The following EPHA6 variants were observed in gnomAD, a reference collection of about 807,000 sequenced individuals.
EPHA6 encodes the protein ephrin type-A receptor 6.
In EPHA6, 50 loss-of-function variants were observed where a neutral mutation model predicts 112.0. The ratio of observed to expected loss-of-function variants is 0.45; its 90% CI spans 0.36 to 0.56. The LOEUF is 0.56. Among genes scored for constraint, EPHA6 ranks in the 20% least tolerant of loss-of-function variants. The pLI is 0.00. For missense variants in EPHA6, 1,280 were observed against 1,417.4 expected (o/e 0.90, Z 1.56); for synonymous variants, 529 against 490.7 (o/e 1.08, Z -1.03).
At chr3:96,969,560 T>C (rs2042242908) in intron 2 of EPHA6, among the ~76,000 whole-genome samples, 1 of 152,076 alleles carries the variant, frequency 6.6e-6, no homozygotes, top group South Asian at 2.1e-4. Context: ...TAAAGCAACA[T>C]TAGTGGTCCA....
chr3:97,325,162 T>G (rs1043197071), intron 5 of EPHA6, among the ~76,000 whole-genome samples: 1 of 152,234 alleles, frequency 6.6e-6, no homozygotes, highest in South Asian at 2.1e-4. Context: ...AATATAGGGC[T>G]TTCATGAGGA....
At chr3:96,927,545 G>C (rs964169730) in intron 2 of EPHA6, among the ~76,000 whole-genome samples, 5 of 152,084 alleles carry the variant, frequency 3.3e-5, no homozygotes, top group African/African-American at 1.2e-4. Flanking sequence ...TTATCTCTAG[G>C]GTGGGGGCAA....
Position 96,974,667 on chromosome 3 carries a change from A to G in EPHA6, c.451-12663A>G, listed in dbSNP as rs151085720. 6.4e-3 allele frequency among the ~76,000 whole-genome samples: 972 copies of G among 152,194 alleles called. 8 individuals carry two copies. The highest frequency in any genetic ancestry group is 0.021 in the African/African-American group (880 of 41,542). On this transcript the variant is annotated intron_variant, in intron 2 of 17. Coordinates refer to ENST00000389672, the MANE Select transcript of EPHA6 (RefSeq NM_001080448.3). ...CTGGATAAATAGAACAGAGAGACTC[A>G]TTTTGTCTTATGTTCATTTTATGAA... is the stretch of plus-strand genomic sequence containing the variant.
chr3:97,241,762 T>G (rs1341615900), intron 4 of EPHA6, among the ~76,000 whole-genome samples: 1 of 150,390 alleles, frequency 6.6e-6, no homozygotes, highest in Non-Finnish European at 1.5e-5. Context: ...CTTGTTTTTT[T>G]TTTTTTTTGT....
chr3:97,178,272 G>T (rs1017565737), intron 3 of EPHA6, among the ~76,000 whole-genome samples: 1 of 151,852 alleles, frequency 6.6e-6, no homozygotes, highest in Admixed American at 6.6e-5. Context: ...TTAATTTTTT[G>T]TTGTTTCTAT....
intron 14 of EPHA6, among the ~76,000 whole-genome samples, chr3:97,641,788 T>C (rs965394647): frequency 1.3e-5 from 2 of 152,212 alleles, no homozygotes; most frequent in African/African-American, 4.8e-5. Flanking sequence ...CAGAGGGTCC[T>C]ATGCCCACGG....
At chr3:97,620,470 G>A (rs773166299) in intron 13 of EPHA6, among the ~76,000 whole-genome samples, 1 of 152,006 alleles carries the variant, frequency 6.6e-6, no homozygotes, top group Non-Finnish European at 1.5e-5. Context: ...TATTATCAGA[G>A]TAAATGGACA....
At position 97,759,333 on chromosome 3, in the gene EPHA6, T is replaced by C. The variant is rs2036100539; in HGVS notation, c.*10632T>C. ...CCAACTGACATGGATTAAGGCGAGATGTAAAGGAAGGAGGTGAAATCACTA... is the reference window on the plus strand; with the variant it reads ...CCAACTGACATGGATTAAGGCGAGACGTAAAGGAAGGAGGTGAAATCACTA... On this transcript the variant is annotated 3_prime_UTR_variant, in exon 18 of 18. Transcript: ENST00000389672. 1.3e-5 allele frequency among the ~76,000 whole-genome samples: 2 copies of C among 151,958 alleles called. No individual in the cohort carries two copies. The highest frequency in any genetic ancestry group is 3.9e-4 in the East Asian group (2 of 5,158).
At chr3:97,129,518 C>CAA (rs796445041) in intron 3 of EPHA6, among the ~76,000 whole-genome samples, 125 of 135,404 alleles carry the variant, frequency 9.2e-4, no homozygotes, top group African/African-American at 3.3e-3. Flanking sequence ...CAAAAACAAA[C>CAA]AAAAAAAAAA....
chr3:97,371,776 G>T (rs1278402876), intron 5 of EPHA6, among the ~76,000 whole-genome samples: 3 of 152,094 alleles, frequency 2.0e-5, no homozygotes, highest in Non-Finnish European at 4.4e-5. Context: ...GTAAGGAACA[G>T]CCCTGAGAAA....
chr3:96,932,762 C>T (rs553684643), intron 2 of EPHA6, among the ~76,000 whole-genome samples: 3 of 152,026 alleles, frequency 2.0e-5, no homozygotes, highest in East Asian at 1.9e-4. Context: ...CTCTAAAATG[C>T]GTAATTGTAA....
At chr3:97,330,325 T>A (rs966389045) in intron 5 of EPHA6, among the ~76,000 whole-genome samples, 34 of 152,138 alleles carry the variant, frequency 2.2e-4, no homozygotes, top group Admixed American at 3.9e-4. Context: ...CCATATGAAC[T>A]TTAAAGTAGT....
At chr3:96,913,888 A>G (rs1434751865) in intron 2 of EPHA6, among the ~76,000 whole-genome samples, 2 of 152,152 alleles carry the variant, frequency 1.3e-5, no homozygotes, top group African/African-American at 2.4e-5. Flanking sequence ...TTGAGGGCCT[A>G]TCTGTGCCAA....
intron 1 of EPHA6, among the ~76,000 whole-genome samples, chr3:96,836,372 A>G (rs1390151976): frequency 6.6e-6 from 1 of 152,126 alleles, no homozygotes; most frequent in African/African-American, 2.4e-5. Flanking sequence ...GGCCTTGGGC[A>G]GATATTTTAA....
At chr3:96,918,281 G>T (rs1300366863) in intron 2 of EPHA6, among the ~76,000 whole-genome samples, 5 of 151,996 alleles carry the variant, frequency 3.3e-5, no homozygotes, top group Non-Finnish European at 7.4e-5. Context: ...TTTTCCAAAT[G>T]GATAAAATTA....
chr3:97,336,735 T>C (rs1395813060), intron 5 of EPHA6, among the ~76,000 whole-genome samples: 1 of 152,112 alleles, frequency 6.6e-6, no homozygotes. Flanking sequence ...TTTACAAAAC[T>C]TGTCTGAAAG....
At chr3:97,056,845 T>C (rs889986693) in intron 3 of EPHA6, among the ~76,000 whole-genome samples, 2 of 152,186 alleles carry the variant, frequency 1.3e-5, no homozygotes, top group Non-Finnish European at 1.5e-5. Flanking sequence ...TTGTGAGGTA[T>C]TATTGAGATA....
intron 11 of EPHA6, among the ~76,000 whole-genome samples, chr3:97,586,552 A>AG (rs138633356): frequency 1.1e-3 from 162 of 152,308 alleles, no homozygotes; most frequent in Non-Finnish European, 1.9e-3. Context: ...CTAAAAAAAA[A>AG]AGAGAGAGGC....
Position 97,138,635 on chromosome 3 carries a change from A to G in EPHA6, c.1115-87629A>G, listed in dbSNP as rs75407249. Among the ~76,000 whole-genome samples the G allele has an allele frequency of 1.9e-4, 29 of 152,304 alleles. 1 individual carries two copies. The East Asian group carries it at 5.0e-3, about 27-fold the overall frequency. On this transcript the variant is annotated intron_variant, in intron 3 of 17. Coordinates refer to ENST00000389672, the MANE Select transcript of EPHA6 (RefSeq NM_001080448.3). ...AGAACAAGTCTGTGGGCCTGGCCCCAGTCCAGGGGCATGGAGATCAGATTT... is the reference window on the plus strand; with the variant it reads ...AGAACAAGTCTGTGGGCCTGGCCCCGGTCCAGGGGCATGGAGATCAGATTT...
Sources: gnomAD v4.1 joint callset for allele counts (sites outside exome capture counted in the v4.1 genomes callset) on GRCh38, gnomAD v4.1.1 for gene constraint, MANE v1.5 for transcripts, NCBI Gene and HGNC (gene_info 2026-07-23, HGNC 2026-07-21) for gene names.